ZNF548: variants seen among roughly 807,000 people sequenced by gnomAD.
The protein encoded by ZNF548 is zinc finger protein 548.
In ZNF548, 10 loss-of-function variants were observed where a neutral mutation model predicts 10.2. The observed-to-expected ratio is 0.98, with a 90% CI of 0.60 to 1.66. ZNF548 has a LOEUF of 1.66. Ranked by LOEUF, ZNF548 falls within the 40% of genes most tolerant of loss-of-function variation. The pLI, the probability that ZNF548 is intolerant of heterozygous loss-of-function variation, is 0.00. For missense variants in ZNF548, 599 were observed against 657.0 expected (o/e 0.91, Z 0.97); for synonymous variants, 217 against 223.5 (o/e 0.97, Z 0.26).
In ZNF548 at chr19:57,399,197, A is replaced by G; in HGVS notation, c.946A>G (p.Thr316Ala). ...STFVRHQRVH[T>A]GERPYECREC... ...ATTTGTTAGACATCAGAGAGTTCAC[A>G]CCGGAGAAAGGCCGTATGAGTGCAG... Residue 316 changes from threonine to alanine, a missense_variant, in exon 4 of 4, where the codon ACC becomes GCC. By Grantham distance (58) the Thr-to-Ala change is moderately conservative. Transcript: ENST00000336128. This position sits in a 1 kb window ranked among gnomAD's most constrained non-coding sequence, Gnocchi z 4.0. 6.2e-7 allele frequency: 1 copy of G among 1,614,154 alleles called. No homozygotes were observed. The highest frequency in any genetic ancestry group is 8.5e-7 in the Non-Finnish European group (1 of 1,179,994).
intron 3 of ZNF548, among the ~76,000 whole-genome samples, chr19:57,398,220 T>C (rs1400878014): frequency 6.6e-6 from 1 of 152,198 alleles, no homozygotes; most frequent in Non-Finnish European, 1.5e-5. Flanking sequence ...TACCCCTCCC[T>C]TGTATGCTTA....
chr19:57,391,542 T>C (rs1038021104), intron 1 of ZNF548, among the ~76,000 whole-genome samples: 2 of 152,180 alleles, frequency 1.3e-5, no homozygotes, highest in Admixed American at 6.5e-5. Flanking sequence ...ATCTTCATAC[T>C]GTTTTCCATT....
rs1451307280 is a variant in ZNF548 at position 57,402,555 on chromosome 19, A to G, written c.*2666A>G. The G allele has an allele frequency of 6.6e-6, 1 of 152,246 alleles. No individual in the cohort carries two copies. The highest frequency in any genetic ancestry group is 1.9e-4 in the East Asian group (1 of 5,204). 9.4% of individuals were successfully genotyped at this position (152,246 alleles called of 1,614,324 possible). On this transcript the variant is annotated 3_prime_UTR_variant, in exon 4 of 4. Coordinates refer to ENST00000336128, the MANE Select transcript of ZNF548 (RefSeq NM_001172773.2). The stretch of plus-strand genomic sequence containing the variant: ...TGTTCTGATTTTGTGTATCCAAGTG[A>G]CATTGGGTTGTTTCTTGCTATCAGA...
intron 1 of ZNF548, 149 bp from the exon 2 acceptor site, chr19:57,394,039 A>G (rs1662276531): frequency 1.1e-5 from 9 of 803,042 alleles, no homozygotes; most frequent in Admixed American, 2.5e-5. Flanking sequence ...TTCCATGGTC[A>G]CAGAGCTGCA....
rs2088658519 is a variant in ZNF548 at position 57,395,502 on chromosome 19, AAC to A, written c.51+1283_51+1284del. 6.6e-6 allele frequency among the ~76,000 whole-genome samples: 1 copy of A among 152,192 alleles called. No individual in the cohort carries two copies. Among genetic ancestry groups the A allele is most frequent in the African/African-American group, 2.4e-5 (1 of 41,450 alleles). On this transcript the variant is annotated intron_variant, in intron 2 of 3. Transcript: ENST00000336128. The surrounding 1 kb of genome is among the most constrained non-coding windows in gnomAD (Gnocchi z 4.8). ...GAAGCATAACTGGGAGGCCTCAGGA[AAC>A]ACAATCCTGGCGGAAGGTGAAGGGG...
In ZNF548 at chr19:57,399,679, T is replaced by C; in HGVS notation, c.1428T>C (p.Leu476=). ...AAGCCTTTAGCCACAAGCATATACT[T>C]GTTGAGCACCAGAAAATCCACAGTG... The part of the protein sequence containing the change: ...CGKAFSHKHI[L]VEHQKIHSGE... Residue 476 remains leucine, a synonymous_variant, in exon 4 of 4, where the codon CTT becomes CTC. Transcript: ENST00000336128. The surrounding 1 kb of genome is among the most constrained non-coding windows in gnomAD (Gnocchi z 4.0). The C allele has an allele frequency of 6.2e-7, 1 of 1,613,876 alleles. No individual in the cohort carries two copies. Among genetic ancestry groups the C allele is most frequent in the Non-Finnish European group, 8.5e-7 (1 of 1,179,880 alleles).
rs750681539 is a variant in ZNF548, at chr19:57,398,584, G to C, written c.333G>C (p.Leu111=). ...CGPPLKDILC[L]VEHNGIHPEQ... is the part of the protein sequence containing the mutation. ...CACCCTTGAAAGACATTCTGTGCCT[G>C]GTTGAGCACAATGGAATTCATCCTG... is the stretch of plus-strand genomic sequence containing the variant. Residue 111 remains leucine, a synonymous_variant, in exon 4 of 4, where the codon CTG becomes CTC. Transcript: ENST00000336128. 28 of 1,613,942 alleles carry C rather than the reference G, an allele frequency of 1.7e-5. No homozygotes were observed. The Admixed American group carries it at 4.7e-4, about 27-fold the overall frequency.
intron 2 of ZNF548, among the ~76,000 whole-genome samples, chr19:57,394,636 A>G (rs2088652569): frequency 6.6e-6 from 1 of 152,074 alleles, no homozygotes; most frequent in Admixed American, 6.6e-5. Context: ...ATTTGAAGCA[A>G]AATAGGTAGT....
rs746121692 is a variant in ZNF548, at chr19:57,398,947, A to G, written c.696A>G (p.Thr232=). 1.2e-6 allele frequency: 2 copies of G among 1,614,112 alleles called. No homozygotes were observed. The highest frequency in any genetic ancestry group is 1.7e-6 in the Non-Finnish European group (2 of 1,179,952). The change falls in exon 4 of 4, where the codon ACA becomes ACG. Residue 232 remains threonine, a synonymous_variant. Coordinates refer to ENST00000336128, the MANE Select transcript of ZNF548 (RefSeq NM_001172773.2). ...YSFVEHQKIH[T]GERSYECNKC... ...TTGTTGAGCACCAGAAAATCCACAC[A>G]GGAGAAAGGTCTTATGAATGTAACA...
At chr19:57,393,515 C>A (rs1212788253) in intron 1 of ZNF548, among the ~76,000 whole-genome samples, 1 of 151,440 alleles carries the variant, frequency 6.6e-6, no homozygotes, top group Non-Finnish European at 1.5e-5. Context: ...ACAAAATTAG[C>A]CGGGTGTGGT....
Position 57,402,864 on chromosome 19 carries a change from A to G in ZNF548, c.*2975A>G, listed in dbSNP as rs981396185. 6.6e-6 allele frequency: 1 copy of G among 152,220 alleles called. No homozygotes were observed. The highest frequency in any genetic ancestry group is 1.5e-5 in the Non-Finnish European group (1 of 68,042). 9.4% of individuals were successfully genotyped at this position (152,220 alleles called of 1,614,324 possible). On this transcript the variant is annotated 3_prime_UTR_variant, in exon 4 of 4. Transcript: ENST00000336128. ...TTTGTGAACTGTGTTGCAGTTTTCA[A>G]CTTGACTGGGGCCTTTCCCAGAGTT... is the stretch of plus-strand genomic sequence containing the variant.
chr19:57,391,206 C>T lies in ZNF548; in HGVS notation c.15+1092C>T, dbSNP rs190723085. 2.4e-4 allele frequency among the ~76,000 whole-genome samples: 37 copies of T among 152,082 alleles called. No homozygotes were observed. The East Asian group carries it at 5.0e-3, about 21-fold the overall frequency. ...TTCAGCTTCCACTTGTAAGTGAGAA[C>T]ATTTGGTATTTGACTTTCTGTTTCT... is the stretch of plus-strand genomic sequence containing the variant. On this transcript the variant is annotated intron_variant, in intron 1 of 3. Coordinates refer to ENST00000336128, the MANE Select transcript of ZNF548 (RefSeq NM_001172773.2).
rs2088660649 is a variant in ZNF548, at chr19:57,395,785, G to C, written c.52-1263G>C. Among the ~76,000 whole-genome samples, 1 of 152,186 alleles carries C rather than the reference G, an allele frequency of 6.6e-6. No homozygotes were observed. The highest frequency in any genetic ancestry group is 1.5e-5 in the Non-Finnish European group (1 of 68,040). ...GAGTGGAAATATGGAGGTCAGTGCA[G>C]CTGGGCTTGGAATGAGGTTTTGGTG... On this transcript the variant is annotated intron_variant, in intron 2 of 3. Transcript: ENST00000336128. The surrounding 1 kb of genome is among the most constrained non-coding windows in gnomAD (Gnocchi z 4.8).
chr19:57,394,109 C>T, intron 1 of ZNF548, 79 bp from the exon 2 acceptor site: 1 of 1,464,940 alleles, frequency 6.8e-7, no homozygotes, highest in Non-Finnish European at 9.3e-7. Flanking sequence ...CCAGGCAGGG[C>T]AGACGAGGTG....
At position 57,395,745 on chromosome 19, in the gene ZNF548, G is replaced by A. The variant is rs1191602403; in HGVS notation, c.52-1303G>A. Among the ~76,000 whole-genome samples the A allele has an allele frequency of 1.3e-5, 2 of 152,174 alleles. No individual in the cohort carries two copies. Among genetic ancestry groups the A allele is most frequent in the African/African-American group, 2.4e-5 (1 of 41,440 alleles). On this transcript the variant is annotated intron_variant, in intron 2 of 3. Transcript: ENST00000336128. The surrounding 1 kb of genome is among the most constrained non-coding windows in gnomAD (Gnocchi z 4.8). ...CATGAGATTTGGGTGGGGACACAGA[G>A]CCAAACCATATCAGGAGTGGAAATA...
chr19:57,394,525 C>T (rs1020177870), intron 2 of ZNF548, among the ~76,000 whole-genome samples: 12 of 152,128 alleles, frequency 7.9e-5, no homozygotes, highest in Non-Finnish European at 1.5e-4. Context: ...GGTAGGAATA[C>T]GGAGCAGAAT....
intron 3 of ZNF548, 111 bp downstream of exon 3, chr19:57,397,285 C>G (rs779054694): frequency 7.1e-7 from 1 of 1,414,690 alleles, no homozygotes; most frequent in Non-Finnish European, 9.3e-7. Flanking sequence ...CTTCTTTTCC[C>G]TGTTTCTTGG....
chr19:57,397,880 G>C (rs1184468324), intron 3 of ZNF548, among the ~76,000 whole-genome samples: 1 of 152,164 alleles, frequency 6.6e-6, no homozygotes, highest in Non-Finnish European at 1.5e-5. Context: ...ACTGGCCACA[G>C]ATTTCTACCT....
chr19:57,401,763 G>T lies in ZNF548; in HGVS notation c.*1874G>T, dbSNP rs2088719175. ...TTTTTTTTTTTTTCTTTTGGAGGCA[G>T]AGTCTTGCTCTGTCACCCAGCCTGG... is the stretch of plus-strand genomic sequence containing the variant. On this transcript the variant is annotated 3_prime_UTR_variant, in exon 4 of 4. Transcript: ENST00000336128. The T allele has an allele frequency of 6.7e-6, 1 of 149,754 alleles. No homozygotes were observed. The highest frequency in any genetic ancestry group is 1.5e-5 in the Non-Finnish European group (1 of 67,638). The allele number at this position is 149,754 out of a possible 1,614,324, so 9.3% of individuals were successfully genotyped here. A position where few individuals can be genotyped will look rare whatever the true frequency, so the allele number is the denominator to read the frequency against.
Sources: allele counts gnomAD v4.1 joint callset (sites outside exome capture counted in the v4.1 genomes callset), GRCh38; gene constraint gnomAD v4.1.1; non-coding constraint Gnocchi (gnomAD v3.1); transcripts MANE v1.5; gene names NCBI Gene and HGNC (gene_info 2026-07-23, HGNC 2026-07-21).